Variants in PDE10A observed in about 807,000 individuals in gnomAD.
PDE10A encodes cAMP and cAMP-inhibited cGMP 3',5'-cyclic phosphodiesterase 10A.
Under a neutral mutation model 97.7 loss-of-function variants are expected in PDE10A, and 39 were observed. The observed-to-expected ratio is 0.40, with a 90% CI of 0.31 to 0.52. PDE10A has a LOEUF of 0.52. PDE10A is among the 20% of genes least tolerant of loss of function. The probability of loss-of-function intolerance (pLI) is 0.56; values close to 1 mark genes in which losing one functional copy is unlikely to be tolerated. For missense variants in PDE10A, 731 were observed against 1,047.8 expected (o/e 0.70, Z 4.17); for synonymous variants, 371 against 376.8 (o/e 0.98, Z 0.18).
chr6:165,384,778 C>T (rs1237733426), intron 17 of PDE10A, among the ~76,000 whole-genome samples: 2 of 152,062 alleles, frequency 1.3e-5, no homozygotes, highest in Non-Finnish European at 2.9e-5. Context: ...CCCTGCTTAT[C>T]CAGTAGATAC....
At chr6:165,721,784 TA>T (rs1792173247) in intron 1 of PDE10A, among the ~76,000 whole-genome samples, 1 of 152,206 alleles carries the variant, frequency 6.6e-6, no homozygotes, top group Non-Finnish European at 1.5e-5. Context: ...TTTAATTACT[TA>T]ATTGATTATG....
At chr6:165,441,074 T>C (rs1310126862) in intron 5 of PDE10A, among the ~76,000 whole-genome samples, 1 of 152,212 alleles carries the variant, frequency 6.6e-6, no homozygotes, top group Non-Finnish European at 1.5e-5. Flanking sequence ...TGGGCCAGGA[T>C]ACAACATAAG....
At chr6:165,975,513 T>A (rs1784822643) in intron 1 of PDE10A, among the ~76,000 whole-genome samples, 1 of 152,184 alleles carries the variant, frequency 6.6e-6, no homozygotes, top group South Asian at 2.1e-4. Flanking sequence ...TAAGAGCACT[T>A]AACATTTGCC....
At chr6:165,512,571 C>T (rs1781565558) in intron 2 of PDE10A, among the ~76,000 whole-genome samples, 1 of 151,898 alleles carries the variant, frequency 6.6e-6, no homozygotes, top group Non-Finnish European at 1.5e-5. Context: ...ATGAATGTAT[C>T]AAACTTATTT....
chr6:165,418,353 C>T lies in PDE10A; in HGVS notation c.1796+282G>A, dbSNP rs915029316. Among the ~76,000 whole-genome samples the T allele has an allele frequency of 2.0e-5, 3 of 152,140 alleles. No homozygotes were observed. The highest frequency in any genetic ancestry group is 2.9e-5 in the Non-Finnish European group (2 of 68,022). Reference sequence around the variant, plus strand: ...CCAGGTGGAGTGTACCTTTACCTACCTGGGAGCACTAGAAAGTTTTTCCAA... The same window carrying T: ...CCAGGTGGAGTGTACCTTTACCTACTTGGGAGCACTAGAAAGTTTTTCCAA... On this transcript the variant is annotated intron_variant, in intron 11 of 21. Transcript: ENST00000539869. This position sits in a 1 kb window ranked among gnomAD's most constrained non-coding sequence, Gnocchi z 4.8.
intron 1 of PDE10A, among the ~76,000 whole-genome samples, chr6:165,938,633 G>C (rs1041370596): frequency 2.6e-5 from 4 of 152,212 alleles, no homozygotes; most frequent in African/African-American, 9.6e-5. Context: ...GGCCCTGGCT[G>C]ATGTCTTCTA....
chr6:165,333,014 G>A lies in PDE10A; in HGVS notation c.*11C>T. 6.5e-7 allele frequency: 1 copy of A among 1,530,998 alleles called. No individual in the cohort carries two copies. Among genetic ancestry groups the A allele is most frequent in the Non-Finnish European group, 9.1e-7 (1 of 1,104,614 alleles). 94.8% of individuals were successfully genotyped at this position (1,530,998 alleles called of 1,614,324 possible). On this transcript the variant is annotated 3_prime_UTR_variant, in exon 22 of 22. Coordinates refer to ENST00000539869, the MANE Select transcript of PDE10A (RefSeq NM_001385079.1). ...TCTGTAGGTGGGACAGCGTGTCAGG[G>A]TGACCAGTGCTCAATCTTCAGATGC...
At chr6:165,413,303 A>G (rs531323568) in intron 13 of PDE10A, among the ~76,000 whole-genome samples, 198 bp downstream of exon 13, 1 of 152,158 alleles carries the variant, frequency 6.6e-6, no homozygotes, top group South Asian at 2.1e-4. Flanking sequence ...ATAAACGCAA[A>G]CTATTAGGAG....
chr6:165,515,921 C>G (rs1781778012), intron 2 of PDE10A, among the ~76,000 whole-genome samples: 1 of 152,046 alleles, frequency 6.6e-6, no homozygotes, highest in South Asian at 2.1e-4. Context: ...TTTTAAAACA[C>G]TGAACAAGAT....
chr6:165,787,115 A>G (rs1262047512), intron 1 of PDE10A, among the ~76,000 whole-genome samples: 2 of 152,228 alleles, frequency 1.3e-5, no homozygotes, highest in African/African-American at 4.8e-5. Flanking sequence ...AATAAAATGT[A>G]AGCTCTCTCT....
At chr6:165,826,105 A>C (rs1338394897) in intron 1 of PDE10A, among the ~76,000 whole-genome samples, 2 of 152,192 alleles carry the variant, frequency 1.3e-5, no homozygotes, top group East Asian at 3.9e-4. Context: ...CAGCTTGGAC[A>C]CTTCCTGCTT....
chr6:165,938,668 C>G (rs753401895), intron 1 of PDE10A, among the ~76,000 whole-genome samples: 13 of 152,148 alleles, frequency 8.5e-5, no homozygotes, highest in Non-Finnish European at 1.8e-4. Flanking sequence ...GGGCACTTGT[C>G]AAGTGCTTAC....
At chr6:165,877,736 T>C (rs1464733543) in intron 1 of PDE10A, among the ~76,000 whole-genome samples, 1 of 152,164 alleles carries the variant, frequency 6.6e-6, no homozygotes, top group Non-Finnish European at 1.5e-5. Context: ...TCACAAAAAC[T>C]GTAACAAAAT....
In PDE10A at chr6:165,329,574, T is replaced by C. The variant is rs1781227461; in HGVS notation, c.*3451A>G. On this transcript the variant is annotated 3_prime_UTR_variant, in exon 22 of 22. Transcript: ENST00000539869. ...AAACCTATTAAAAAACCCAGGTATC[T>C]AAGGATTTATGCATCTATTTATATC... 6.6e-6 allele frequency: 1 copy of C among 152,188 alleles called. No individual in the cohort carries two copies. The allele number at this position is 152,188 out of a possible 1,614,324, so 9.4% of individuals were successfully genotyped here.
At chr6:165,912,522 C>G (rs1782491266) in intron 1 of PDE10A, among the ~76,000 whole-genome samples, 1 of 152,182 alleles carries the variant, frequency 6.6e-6, no homozygotes, top group Non-Finnish European at 1.5e-5. Flanking sequence ...ACAGTTTTTG[C>G]ATTTTCTTGC....
chr6:165,764,814 G>A (rs533631311), intron 1 of PDE10A, among the ~76,000 whole-genome samples: 3 of 152,236 alleles, frequency 2.0e-5, no homozygotes, highest in East Asian at 1.9e-4. Context: ...ACAGAGTGTC[G>A]AAGGGGACCC....
At chr6:165,590,352 G>A (rs1367533626) in intron 1 of PDE10A, among the ~76,000 whole-genome samples, 1 of 152,178 alleles carries the variant, frequency 6.6e-6, no homozygotes, top group Non-Finnish European at 1.5e-5. Flanking sequence ...CTAGTCTGTG[G>A]CAAAGCTCAA....
chr6:165,614,868 A>G (rs1458246149), intron 1 of PDE10A, among the ~76,000 whole-genome samples: 3 of 152,086 alleles, frequency 2.0e-5, no homozygotes, highest in East Asian at 1.9e-4. Context: ...AGAAAAAGTA[A>G]TAAGAATCCA....
At chr6:165,492,124 TC>T (rs1181994904) in intron 2 of PDE10A, among the ~76,000 whole-genome samples, 1 of 152,128 alleles carries the variant, frequency 6.6e-6, no homozygotes, top group East Asian at 1.9e-4. Context: ...ATGGATAAAT[TC>T]CTGGAAACAT....
Sources: allele counts gnomAD v4.1 joint callset (sites outside exome capture counted in the v4.1 genomes callset), GRCh38; gene constraint gnomAD v4.1.1; non-coding constraint Gnocchi (gnomAD v3.1); transcripts MANE v1.5; gene names NCBI Gene and HGNC (gene_info 2026-07-23, HGNC 2026-07-21).